The following BRD9 variants were observed in gnomAD, a reference collection of about 807,000 sequenced individuals.
The protein encoded by BRD9 is bromodomain-containing protein 9.
A neutral mutation model predicts 68.7 loss-of-function variants in BRD9; 47 were observed. The observed-to-expected ratio is 0.68, with a 90% CI of 0.54 to 0.87. BRD9 has a LOEUF of 0.87. Among genes scored for constraint, BRD9 ranks in the 40% least tolerant of loss-of-function variants. The pLI is 0.00. For missense variants in BRD9, 670 were observed against 748.4 expected (o/e 0.90, Z 1.22); for synonymous variants, 313 against 293.9 (o/e 1.06, Z -0.67).
chr5:887,468 C>A lies in BRD9; in HGVS notation c.610G>T (p.Asp204Tyr). 1 of 1,612,264 alleles carries A rather than the reference C, an allele frequency of 6.2e-7. No individual in the cohort carries two copies. The highest frequency in any genetic ancestry group is 8.5e-7 in the Non-Finnish European group (1 of 1,178,544). ...EYKSVTEFKA[D>Y]FKLMCDNAMT... ...GCATTATCACACATCAGCTTGAAAT[C>A]TGCCTGAAAAGAAAACAGGAAAGAC... Residue 204 changes from aspartate to tyrosine, a missense_variant, in exon 6 of 16, where the codon GAT (aspartate) becomes TAT (tyrosine). Coordinates refer to ENST00000467963, the MANE Select transcript of BRD9 (RefSeq NM_023924.5).
intron 7 of BRD9, among the ~76,000 whole-genome samples, chr5:885,155 C>T (rs946783000): frequency 1.4e-4 from 21 of 152,244 alleles, no homozygotes; most frequent in Non-Finnish European, 3.1e-4. Flanking sequence ...GCCAGCAGCA[C>T]ACTCGAGTCG....
At chr5:876,062 G>C (rs755117638) in intron 12 of BRD9, 39 bp downstream of exon 12, 1 of 1,472,302 alleles carries the variant, frequency 6.8e-7, no homozygotes. Context: ...AGCACCCCAA[G>C]GGCACCTGCC....
chr5:886,605 T>G lies in BRD9; in HGVS notation c.820A>C (p.Arg274=). Residue 274 remains arginine, a synonymous_variant, in exon 7 of 16, where the codon AGA becomes CGA. Coordinates refer to ENST00000467963, the MANE Select transcript of BRD9 (RefSeq NM_023924.5). ...CAGAACCTTTACCTGATAACTTCTC[T>G]ACTCGGCTTTTTGGATTTCTTGGCA... The part of the protein sequence containing the change: ...ETAKKSKKPS[R]EVISCMFEPE... 7 of 1,613,930 alleles carry G rather than the reference T, an allele frequency of 4.3e-6. No individual in the cohort carries two copies. The highest frequency in any genetic ancestry group is 5.9e-6 in the Non-Finnish European group (7 of 1,179,890).
chr5:871,291 G>A (rs534010374), intron 13 of BRD9, among the ~76,000 whole-genome samples: 4 of 152,356 alleles, frequency 2.6e-5, no homozygotes, highest in South Asian at 2.1e-4. Flanking sequence ...AGCACCCAGC[G>A]GGGCCAACTG....
intron 2 of BRD9, 176 bp downstream of exon 2, chr5:891,464 G>A: frequency 7.6e-7 from 1 of 1,310,362 alleles, no homozygotes; most frequent in Admixed American, 2.8e-5. Flanking sequence ...CTGAGGAACA[G>A]CACACCCAGG....
At chr5:880,507 G>A (rs1380709351) in intron 9 of BRD9, among the ~76,000 whole-genome samples, 2 of 152,094 alleles carry the variant, frequency 1.3e-5, no homozygotes, top group African/African-American at 4.8e-5. Context: ...ATGAGGGTGA[G>A]AGCGAGGGAA....
intron 13 of BRD9, 130 bp from the exon 14 acceptor site, chr5:870,705 A>C (rs1750016479): frequency 3.1e-6 from 2 of 646,066 alleles, no homozygotes; most frequent in Non-Finnish European, 5.4e-6. Context: ...AAGTGACAAG[A>C]CCAAGCCCTG....
intron 14 of BRD9, among the ~76,000 whole-genome samples, chr5:867,364 T>TCA (rs985716270): frequency 2.6e-5 from 4 of 152,196 alleles, no homozygotes; most frequent in African/African-American, 9.7e-5. Context: ...GTTGGAGCCC[T>TCA]CACCCCACAC....
At chr5:867,023 G>T (rs988155723) in intron 14 of BRD9, among the ~76,000 whole-genome samples, 1 of 152,220 alleles carries the variant, frequency 6.6e-6, no homozygotes, top group South Asian at 2.1e-4. Flanking sequence ...GCCATCACAG[G>T]CCTGGGGGTC....
Position 891,093 on chromosome 5 carries a change from G to A in BRD9, c.400+62C>T, listed in dbSNP as rs1050619043. 2.6e-5 allele frequency: 39 copies of A among 1,486,222 alleles called. No homozygotes were observed. In the African/African-American group the frequency reaches 2.8e-4, roughly 11 times the overall value. The allele number at this position is 1,486,222 out of a possible 1,614,324, so 92.1% of individuals were successfully genotyped here. A position where few individuals can be genotyped will look rare whatever the true frequency, so the allele number is the denominator to read the frequency against. ...CCCCAAAGCAACAGGACACGGTGCC[G>A]ACCCCTCATTTACAACGATGAGCTG... On this transcript the variant is annotated intron_variant, in intron 3 of 15. Transcript: ENST00000467963.
chr5:886,275 C>T (rs1328654067), intron 7 of BRD9, among the ~76,000 whole-genome samples: 1 of 152,208 alleles, frequency 6.6e-6, no homozygotes, highest in Non-Finnish European at 1.5e-5. Context: ...CCTTGGCTGC[C>T]GGCAGGCGCT....
intron 3 of BRD9, among the ~76,000 whole-genome samples, chr5:890,800 A>C (rs979487359): frequency 6.6e-6 from 1 of 152,204 alleles, no homozygotes; most frequent in Non-Finnish European, 1.5e-5. Context: ...CAAACTTTTT[A>C]CATAAAGGCC....
chr5:876,937 G>C (rs996193060), intron 11 of BRD9, among the ~76,000 whole-genome samples: 2 of 152,214 alleles, frequency 1.3e-5, no homozygotes, highest in African/African-American at 4.8e-5. Flanking sequence ...CAGCACTCAG[G>C]GGCAGAGGAT....
chr5:878,232 TG>T, intron 11 of BRD9, 122 bp downstream of exon 11: 1 of 1,385,484 alleles, frequency 7.2e-7, no homozygotes, highest in Non-Finnish European at 9.9e-7. Context: ...AGACCCAGGC[TG>T]CCATATGGAC....
At chr5:890,259 G>A (rs890150320) in intron 3 of BRD9, among the ~76,000 whole-genome samples, 6 of 152,198 alleles carry the variant, frequency 3.9e-5, no homozygotes, top group African/African-American at 1.4e-4. Flanking sequence ...AAGGCCACCA[G>A]CTTTCCAGAA....
intron 8 of BRD9, chr5:883,002 CCA>C (rs1752017108): frequency 6.2e-6 from 2 of 324,474 alleles, no homozygotes; most frequent in Non-Finnish European, 1.2e-5. Context: ...AACACACGGG[CCA>C]CACAGACTGC....
chr5:883,061 C>T (rs570727284), intron 8 of BRD9: 4 of 350,850 alleles, frequency 1.1e-5, no homozygotes, highest in South Asian at 4.4e-5. Context: ...CTTCCCAACA[C>T]GTGAGCCACG....
intron 13 of BRD9, 61 bp from the exon 14 acceptor site, chr5:870,636 T>C: frequency 8.6e-7 from 1 of 1,163,140 alleles, no homozygotes. Context: ...GAAATGTTAC[T>C]TCACACTCGC....
At chr5:881,079 A>G in intron 9 of BRD9, 28 bp downstream of exon 9, 2 of 1,611,718 alleles carry the variant, frequency 1.2e-6, no homozygotes, top group Non-Finnish European at 1.7e-6. Context: ...TACGGAGAGC[A>G]TAAAGCCAGC....
Sources: allele counts gnomAD v4.1 joint callset (sites outside exome capture counted in the v4.1 genomes callset), GRCh38; gene constraint gnomAD v4.1.1; transcripts MANE v1.5; gene names NCBI Gene and HGNC (gene_info 2026-07-23, HGNC 2026-07-21).